Variants in SLC2A11 observed in about 807,000 individuals in gnomAD.
SLC2A11 encodes the protein solute carrier family 2 member 11.
In SLC2A11, 43 loss-of-function variants were observed where a neutral mutation model predicts 52.1. The observed-to-expected ratio is 0.82, with a 90% CI of 0.65 to 1.06. The LOEUF is 1.06. Ranked by LOEUF, SLC2A11 falls within the 50% of genes least tolerant of loss-of-function variation. The pLI is 0.00. For missense variants in SLC2A11, 582 were observed against 654.2 expected, an observed-to-expected ratio of 0.89 and a Z score of 1.20; for synonymous variants, 261 against 277.6, an observed-to-expected ratio of 0.94 and a Z score of 0.59.
At position 23,884,938 on chromosome 22, in the gene SLC2A11, C is replaced by T; in HGVS notation, c.*89C>T. On this transcript the variant is annotated 3_prime_UTR_variant, in exon 12 of 12. Transcript: ENST00000316185. This position sits in a 1 kb window ranked among gnomAD's most constrained non-coding sequence, Gnocchi z 4.3. The stretch of plus-strand genomic sequence containing the variant: ...CTGGTCCTCACTCCCTCCTGCATTC[C>T]TCATTTAAGGAGTGTTTATTGAGCA... 9.1e-7 allele frequency: 1 copy of T among 1,100,148 alleles called. No individual in the cohort carries two copies. 68.1% of individuals were successfully genotyped at this position (1,100,148 alleles called of 1,614,324 possible). A position where few individuals can be genotyped will look rare whatever the true frequency, so the allele number is the denominator to read the frequency against.
At chr22:23,857,523 C>A, upstream of SLC2A11, 1 of 1,613,284 alleles carries the variant, frequency 6.2e-7, no homozygotes, top group South Asian at 1.1e-5. Context: ...CTTACGGCCT[C>A]GGACGCAGGT....
At chr22:23,868,791 C>T (rs2032356754) in intron 3 of SLC2A11, 150 bp downstream of exon 3, 2 of 887,118 alleles carry the variant, frequency 2.3e-6, no homozygotes, top group Admixed American at 2.8e-5. Flanking sequence ...GGAGTTTCAC[C>T]TTGCAAGACA....
chr22:23,882,369 A>C (rs2032842550), intron 6 of SLC2A11, 90 bp from the exon 7 acceptor site: 1 of 1,172,740 alleles, frequency 8.5e-7, no homozygotes, highest in South Asian at 1.6e-5. Flanking sequence ...CAAGAAGGAA[A>C]GGAATGGTGG....
upstream of SLC2A11, chr22:23,857,313 G>T: frequency 1.9e-6 from 2 of 1,049,224 alleles, no homozygotes; most frequent in Non-Finnish European, 2.8e-6. Context: ...GAATTTCGGG[G>T]GAGGACTTGG....
intron 2 of SLC2A11, among the ~76,000 whole-genome samples, chr22:23,864,463 C>T (rs1303964842): frequency 2.0e-5 from 3 of 152,034 alleles, no homozygotes; most frequent in Non-Finnish European, 2.9e-5. Context: ...GGATTACAGG[C>T]GCCCACCACC....
intron 2 of SLC2A11, among the ~76,000 whole-genome samples, chr22:23,863,969 C>T (rs2032171143): frequency 6.6e-6 from 1 of 152,008 alleles, no homozygotes; most frequent in African/African-American, 2.4e-5. Flanking sequence ...GCTGCTGTCA[C>T]CAGATTCACT....
chr22:23,862,457 C>T, intron 2 of SLC2A11: 1 of 475,984 alleles, frequency 2.1e-6, no homozygotes, highest in Non-Finnish European at 3.8e-6. Context: ...AGCCTTGACT[C>T]TTCTCTTCAT....
At chr22:23,882,195 GAAAC>G (rs1201024381) in intron 6 of SLC2A11, 1 of 481,290 alleles carries the variant, frequency 2.1e-6, no homozygotes, top group Non-Finnish European at 3.6e-6. Context: ...GAGAGAGAGA[GAAAC>G]ACACACACAC....
chr22:23,870,228 GA>G (rs755583355), intron 3 of SLC2A11: 3 of 578,192 alleles, frequency 5.2e-6, no homozygotes, highest in Non-Finnish European at 9.2e-6. Flanking sequence ...GCTATCTCAT[GA>G]TACCTGGTAC....
upstream of SLC2A11, chr22:23,857,069 TGTGTGG>T: frequency 2.7e-6 from 1 of 364,922 alleles, no homozygotes. Context: ...AAAGTGTGTG[TGTGTGG>T]GGGGGGGGGG....
chr22:23,863,214 C>T (rs1455984421), intron 2 of SLC2A11, among the ~76,000 whole-genome samples: 1 of 152,162 alleles, frequency 6.6e-6, no homozygotes, highest in African/African-American at 2.4e-5. Flanking sequence ...CCTGTAGAAG[C>T]CCACCCCAGA....
chr22:23,878,942 C>A (rs1056488629), intron 6 of SLC2A11, among the ~76,000 whole-genome samples: 23 of 152,134 alleles, frequency 1.5e-4, no homozygotes, highest in African/African-American at 5.6e-4. Context: ...GATGAGGTAA[C>A]CAAAATTAAT....
At position 23,885,214 on chromosome 22, in the gene SLC2A11, G is replaced by C. The variant is rs190884614; in HGVS notation, c.*365G>C. Reference sequence around the variant, plus strand: ...ACAAAAAATTTTAAACATTAGCTGGGCATGGTGGTATGTGCTAACAGCTCT... The same window carrying C: ...ACAAAAAATTTTAAACATTAGCTGGCCATGGTGGTATGTGCTAACAGCTCT... On this transcript the variant is annotated 3_prime_UTR_variant, in exon 12 of 12. Transcript: ENST00000316185. 2.5e-6 allele frequency: 1 copy of C among 404,984 alleles called. No homozygotes were observed. Among genetic ancestry groups the C allele is most frequent in the Non-Finnish European group, 4.4e-6 (1 of 229,208 alleles). 25.1% of individuals were successfully genotyped at this position (404,984 alleles called of 1,614,324 possible).
intron 3 of SLC2A11, chr22:23,872,821 G>A (rs1601500662): frequency 6.6e-6 from 1 of 152,180 alleles, no homozygotes; most frequent in East Asian, 1.9e-4. Context: ...AACTTCGTTG[G>A]AGTGGCAGCC....
At chr22:23,861,673 GGA>G (rs1491229109) in intron 1 of SLC2A11, among the ~76,000 whole-genome samples, 1 of 121,158 alleles carries the variant, frequency 8.3e-6, no homozygotes, top group African/African-American at 3.5e-5. Flanking sequence ...CCAGATTCCT[GGA>G]GCCTGGCCAC....
rs756565456 is a variant in SLC2A11, at chr22:23,883,840, G to T, written c.1062G>T (p.Trp354Cys). Residue 354 changes from tryptophan (W) to cysteine (C), a missense_variant, in exon 9 of 12, where the codon TGG becomes TGT. By Grantham distance (215) the Trp-to-Cys change is radical (BLOSUM62 -2). Coordinates refer to ENST00000316185, the MANE Select transcript of SLC2A11 (RefSeq NM_001024939.4). ...GTGGGTACAGCCTGATGACCTGCTGGGGGAGCATCTTCACTGTGGCCCTGT... is the reference window on the plus strand; with the variant it reads ...GTGGGTACAGCCTGATGACCTGCTGTGGGAGCATCTTCACTGTGGCCCTGT... The part of the protein sequence containing the change: ...LIGGYSLMTC[W>C]GSIFTVALCL... 1 of 1,590,296 alleles carries T rather than the reference G, an allele frequency of 6.3e-7. No homozygotes were observed. Among genetic ancestry groups the T allele is most frequent in the Admixed American group, 1.9e-5 (1 of 52,502 alleles).
chr22:23,869,792 T>A (rs1420229818), intron 3 of SLC2A11: 5 of 540,988 alleles, frequency 9.2e-6, no homozygotes, highest in Non-Finnish European at 9.7e-6. Flanking sequence ...ACCCAGCAGA[T>A]GCAGTGTACC....
At chr22:23,858,749 A>C (rs1410114205) in intron 1 of SLC2A11, among the ~76,000 whole-genome samples, 2 of 152,186 alleles carry the variant, frequency 1.3e-5, no homozygotes, top group African/African-American at 4.8e-5. Flanking sequence ...ACCTGGTCCA[A>C]ACACTTCCTA....
intron 1 of SLC2A11, among the ~76,000 whole-genome samples, chr22:23,859,943 A>G (rs2031991445): frequency 6.6e-6 from 1 of 152,250 alleles, no homozygotes; most frequent in South Asian, 2.1e-4. Context: ...AGAACAAGAA[A>G]GGCAGTATTT....
Sources: gnomAD v4.1 joint callset for allele counts (sites outside exome capture counted in the v4.1 genomes callset) on GRCh38, gnomAD v4.1.1 for gene constraint, Gnocchi (gnomAD v3.1) non-coding constraint, MANE v1.5 for transcripts, NCBI Gene and HGNC (gene_info 2026-07-23, HGNC 2026-07-21) for gene names.